The following TECTA variants were observed in gnomAD, a reference collection of about 807,000 sequenced individuals.
The protein encoded by TECTA is alpha-tectorin.
In TECTA, 128 loss-of-function variants were observed where a neutral mutation model predicts 216.8. The ratio of observed to expected loss-of-function variants is 0.59; its 90% CI spans 0.51 to 0.68. The LOEUF (loss-of-function observed/expected upper bound fraction) is 0.68, where lower values mean the gene tolerates loss of function less well. TECTA is among the 30% of genes least tolerant of loss of function. The pLI, the probability that TECTA is intolerant of heterozygous loss-of-function variation, is 0.00. For missense variants in TECTA, 2,551 were observed against 2,786.2 expected (o/e 0.92, Z 1.90); for synonymous variants, 1,089 against 1,117.1 (o/e 0.97, Z 0.50).
rs1219503542 is a variant in TECTA, at chr11:121,168,769, A to T, written c.5843A>T (p.Gln1948Leu). 6.2e-7 allele frequency: 1 copy of T among 1,614,078 alleles called. No homozygotes were observed. The highest frequency in any genetic ancestry group is 1.3e-5 in the African/African-American group (1 of 74,936). Residue 1948 changes from glutamine to leucine, a missense_variant, in exon 20 of 24, where the codon CAG (glutamine) becomes CTG (leucine). Around this residue, in one of 3 missense-constraint regions of TECTA, gnomAD observed 2,375 missense variants for 2,563.9 expected, o/e 0.93. Coordinates refer to ENST00000392793, the MANE Select transcript of TECTA (RefSeq NM_005422.4). Reference sequence around the variant, plus strand: ...GCCTCCTACAAACATCCTTACCGCCAGGGTGAAGTAGTGTTGACGACTCGA... The same window carrying T: ...GCCTCCTACAAACATCCTTACCGCCTGGGTGAAGTAGTGTTGACGACTCGA... Reference protein sequence around the residue: ...KNASYKHPYRQGEVVLTTRDV... With the variant: ...KNASYKHPYRLGEVVLTTRDV...
rs546274974 is a variant in TECTA at position 121,163,118 on chromosome 11, A to G, written c.5272+748A>G. Among the ~76,000 whole-genome samples the G allele has an allele frequency of 1.3e-5, 2 of 152,320 alleles. 1 individual carries two copies. The highest frequency in any genetic ancestry group is 4.1e-4 in the South Asian group (2 of 4,830). On this transcript the variant is annotated intron_variant, in intron 16 of 23. Coordinates refer to ENST00000392793, the MANE Select transcript of TECTA (RefSeq NM_005422.4). ...GTTCTCTGACCCACAACACCAACCC[A>G]GTGTGTATACAGGTACCACTGTGAA... is the stretch of plus-strand genomic sequence containing the variant.
At chr11:121,106,645 T>C (rs75115659) in intron 3 of TECTA, among the ~76,000 whole-genome samples, 37 of 152,304 alleles carry the variant, frequency 2.4e-4, no homozygotes, top group African/African-American at 8.4e-4. Flanking sequence ...GGCTTTATTG[T>C]TGGCCTTAAA....
chr11:121,118,602 G>A lies in TECTA; in HGVS notation c.1087G>A (p.Val363Met). The change falls in exon 7 of 24, where the codon GTG (valine) becomes ATG (methionine). Residue 363 changes from valine (V) to methionine (M), a missense_variant. By Grantham distance (21) the Val-to-Met change is conservative (BLOSUM62 1). Coordinates refer to ENST00000392793, the MANE Select transcript of TECTA (RefSeq NM_005422.4). The stretch of plus-strand genomic sequence containing the variant: ...GACTTCCAGCCTCCCTTTCTTCAGT[G>A]TGGAGGCCAAGAATGAACACCGCAG... ...LQTSSLPFFSVEAKNEHRRGS... is the reference protein window; with the variant it reads ...LQTSSLPFFSMEAKNEHRRGS... 6.2e-7 allele frequency: 1 copy of A among 1,614,182 alleles called. No individual in the cohort carries two copies. Among genetic ancestry groups the A allele is most frequent in the Non-Finnish European group, 8.5e-7 (1 of 1,180,046 alleles).
At chr11:121,124,063 C>CT (rs2135075303) in intron 7 of TECTA, among the ~76,000 whole-genome samples, 1 of 152,348 alleles carries the variant, frequency 6.6e-6, no homozygotes, top group African/African-American at 2.4e-5. Flanking sequence ...ATTAGAAACA[C>CT]TTTTCCTTAG....
intron 20 of TECTA, among the ~76,000 whole-genome samples, chr11:121,171,935 T>C (rs1432528035): frequency 1.3e-5 from 2 of 152,176 alleles, no homozygotes; most frequent in African/African-American, 4.8e-5. Flanking sequence ...TGGCTAGGAC[T>C]TCTAGTACTA....
chr11:121,132,420 C>T (rs1399420712), intron 10 of TECTA, among the ~76,000 whole-genome samples: 3 of 152,190 alleles, frequency 2.0e-5, no homozygotes, highest in Non-Finnish European at 4.4e-5. Flanking sequence ...ACTTTCTCTG[C>T]TCTAGCCTTG....
In TECTA at chr11:121,190,921, T is replaced by C. The variant is rs1256781124; in HGVS notation, c.*115T>C. 11 of 780,288 alleles carry C rather than the reference T, an allele frequency of 1.4e-5. No individual in the cohort carries two copies. The East Asian group carries it at 3.2e-4, about 23-fold the overall frequency. 48.3% of individuals were successfully genotyped at this position (780,288 alleles called of 1,614,324 possible). ...TTTGAAAGTGTCCAGCATCTCAAAA[T>C]GATGCCACCTGCCTCCAATGGTCCA... On this transcript the variant is annotated 3_prime_UTR_variant, in exon 24 of 24. Transcript: ENST00000392793.
In TECTA at chr11:121,191,233, C is replaced by T. The variant is rs1009824581; in HGVS notation, c.*427C>T. 5.2e-5 allele frequency: 15 copies of T among 286,322 alleles called. No individual in the cohort carries two copies. In the East Asian group the frequency reaches 1.3e-3, roughly 25 times the overall value. The allele number at this position is 286,322 out of a possible 1,614,324, so 17.7% of individuals were successfully genotyped here. Reference sequence around the variant, plus strand: ...TTGAAGTGATGACTGGAAGGTTTGACTCCCTCTAAGGAATCTTGCTGGTGT... The same window carrying T: ...TTGAAGTGATGACTGGAAGGTTTGATTCCCTCTAAGGAATCTTGCTGGTGT... On this transcript the variant is annotated 3_prime_UTR_variant, in exon 24 of 24. Coordinates refer to ENST00000392793, the MANE Select transcript of TECTA (RefSeq NM_005422.4).
chr11:121,172,715 G>A (rs1947124405), intron 20 of TECTA, among the ~76,000 whole-genome samples: 1 of 152,030 alleles, frequency 6.6e-6, no homozygotes, highest in African/African-American at 2.4e-5. Flanking sequence ...GTAATGGGAT[G>A]GCTGGGTCAA....
intron 22 of TECTA, 89 bp from the exon 23 acceptor site, chr11:121,189,675 G>C (rs1947322999): frequency 4.5e-6 from 6 of 1,335,210 alleles, no homozygotes; most frequent in Non-Finnish European, 6.4e-6. Context: ...CGCCCAGCCT[G>C]TCCTCCTCTC....
chr11:121,113,409 C>T lies in TECTA; in HGVS notation c.625-144C>T. ...TGAAATGAACTAGGCAGTCCTTTCT[C>T]ACCTAGAATGCTGGCCCCAGTGACT... is the stretch of plus-strand genomic sequence containing the variant. On this transcript the variant is annotated intron_variant, in intron 5 of 23. Coordinates refer to ENST00000392793, the MANE Select transcript of TECTA (RefSeq NM_005422.4). This position sits in a 1 kb window ranked among gnomAD's most constrained non-coding sequence, Gnocchi z 4.2. 7.1e-7 allele frequency: 1 copy of T among 1,416,310 alleles called. No individual in the cohort carries two copies. Among genetic ancestry groups the T allele is most frequent in the Non-Finnish European group, 9.9e-7 (1 of 1,010,976 alleles). 87.7% of individuals were successfully genotyped at this position (1,416,310 alleles called of 1,614,324 possible).
intron 8 of TECTA, 136 bp downstream of exon 8, chr11:121,126,008 A>G (rs1159817032): frequency 2.8e-6 from 3 of 1,061,704 alleles, no homozygotes; most frequent in Non-Finnish European, 4.2e-6. Flanking sequence ...CACAAATTAC[A>G]AAGAACGAAT....
At chr11:121,169,036 C>T in intron 20 of TECTA, 111 bp downstream of exon 20, 1 of 1,526,404 alleles carries the variant, frequency 6.6e-7, no homozygotes, top group Non-Finnish European at 9.0e-7. Flanking sequence ...CCTACAAGGC[C>T]AGAATTTTGC....
At chr11:121,134,142 G>A (rs7125224) in intron 10 of TECTA, among the ~76,000 whole-genome samples, 34,013 of 151,908 alleles carry the variant, frequency 0.22, 4,462 homozygotes, top group African/African-American at 0.35. Context: ...TGGCATAACA[G>A]GGTGCTTCGC....
Position 121,125,696 on chromosome 11 carries a change from C to T in TECTA, c.1598C>T (p.Pro533Leu). The T allele has an allele frequency of 6.2e-7, 1 of 1,609,954 alleles. No individual in the cohort carries two copies. Residue 533 changes from proline (P) to leucine (L), a missense_variant, in exon 8 of 24, where the codon CCT becomes CTT. This residue lies in a region of TECTA where 2,375 missense variants were observed against 2,563.9 expected (regional missense o/e 0.93). Coordinates refer to ENST00000392793, the MANE Select transcript of TECTA (RefSeq NM_005422.4). ...YCGFLNKTDG[P>L]LWECGTVVDP... is the part of the protein sequence containing the mutation. Reference sequence around the variant, plus strand: ...GGCTTCCTCAACAAGACAGACGGCCCTCTGTGGGAGTGTGGCACTGTCGTG... The same window carrying T: ...GGCTTCCTCAACAAGACAGACGGCCTTCTGTGGGAGTGTGGCACTGTCGTG...
chr11:121,104,528 T>C (rs1485264111), intron 2 of TECTA, among the ~76,000 whole-genome samples: 1 of 152,190 alleles, frequency 6.6e-6, no homozygotes, highest in African/African-American at 2.4e-5. Flanking sequence ...CGTTGAGGCA[T>C]AACTCCTCTT....
intron 20 of TECTA, among the ~76,000 whole-genome samples, chr11:121,187,363 C>T (rs1490913298): frequency 1.3e-5 from 2 of 152,246 alleles, no homozygotes; most frequent in Non-Finnish European, 2.9e-5. Flanking sequence ...GACTGGTCTT[C>T]TTTCCCCTCC....
At chr11:121,169,875 T>C (rs1356002108) in intron 20 of TECTA, among the ~76,000 whole-genome samples, 3 of 152,210 alleles carry the variant, frequency 2.0e-5, no homozygotes, top group Non-Finnish European at 4.4e-5. Context: ...ATTTCAAATC[T>C]TGTCTTCTGG....
intron 10 of TECTA, among the ~76,000 whole-genome samples, chr11:121,136,620 C>T (rs574013747): frequency 2.0e-5 from 3 of 152,084 alleles, no homozygotes; most frequent in Admixed American, 6.6e-5. Context: ...TCAAAACAAC[C>T]GTGCTAGCTA....
Sources: gnomAD v4.1 joint callset for allele counts (sites outside exome capture counted in the v4.1 genomes callset) on GRCh38, gnomAD v4.1.1 for gene constraint, gnomAD v4.1.1 regional missense constraint, Gnocchi (gnomAD v3.1) non-coding constraint, MANE v1.5 for transcripts, NCBI Gene and HGNC (gene_info 2026-07-23, HGNC 2026-07-21) for gene names.